KIF13A: variants seen among roughly 807,000 people sequenced by gnomAD.
The protein encoded by KIF13A is kinesin-like protein KIF13A.
Under a neutral mutation model 212.2 loss-of-function variants are expected in KIF13A, and 79 were observed. That is an observed-to-expected ratio of 0.37 (90% CI 0.31 to 0.45). KIF13A has a LOEUF of 0.45. KIF13A is among the 20% of genes least tolerant of loss of function. The probability of loss-of-function intolerance (pLI) is 1.00; values close to 1 mark genes in which losing one functional copy is unlikely to be tolerated. For synonymous variants in KIF13A, 789 were observed against 808.6 expected (o/e 0.98, Z 0.41); for missense variants, 1,901 against 2,209.0 (o/e 0.86, Z 2.79).
Position 17,794,814 on chromosome 6 carries a change from A to G in KIF13A, c.2943-110T>C. On this transcript the variant is annotated intron_variant, in intron 23 of 38. Transcript: ENST00000259711. This position sits in a 1 kb window ranked among gnomAD's most constrained non-coding sequence, Gnocchi z 4.1. ...CTTACTATGTGCTAGGCACTGTGCCATTTATCTTGTATAAGTTACTTCCTT... is the reference window on the plus strand; with the variant it reads ...CTTACTATGTGCTAGGCACTGTGCCGTTTATCTTGTATAAGTTACTTCCTT... 1.8e-6 allele frequency: 2 copies of G among 1,130,928 alleles called. No homozygotes were observed. Among genetic ancestry groups the G allele is most frequent in the Non-Finnish European group, 2.5e-6 (2 of 808,110 alleles). 70.1% of individuals were successfully genotyped at this position (1,130,928 alleles called of 1,614,324 possible).
chr6:17,823,368 TCA>T (rs941504383), intron 16 of KIF13A, among the ~76,000 whole-genome samples: 2 of 151,694 alleles, frequency 1.3e-5, no homozygotes, highest in African/African-American at 2.4e-5. Flanking sequence ...CACTTGTTTT[TCA>T]CAGTCTGGCT....
intron 2 of KIF13A, among the ~76,000 whole-genome samples, chr6:17,909,894 A>G (rs540279353): frequency 2.6e-5 from 4 of 152,326 alleles, no homozygotes; most frequent in African/African-American, 9.6e-5. Flanking sequence ...AAAACAAAAA[A>G]AGAGAGAGAG....
At chr6:17,875,409 G>T (rs927378511) in intron 3 of KIF13A, among the ~76,000 whole-genome samples, 3 of 151,174 alleles carry the variant, frequency 2.0e-5, no homozygotes, top group Non-Finnish European at 4.4e-5. Context: ...GTGCTTCTTG[G>T]TGCTTCCCCT....
In KIF13A at chr6:17,810,818, G is replaced by A. The variant is rs147514055; in HGVS notation, c.2001-1888C>T. Reference sequence around the variant, plus strand: ...GTTTGTGCTCCTGTGAGAATCTAATGCCACTGCTGATCTGACAGGAGGTGG... The same window carrying A: ...GTTTGTGCTCCTGTGAGAATCTAATACCACTGCTGATCTGACAGGAGGTGG... On this transcript the variant is annotated intron_variant, in intron 17 of 38. Transcript: ENST00000259711. 9.2e-3 allele frequency among the ~76,000 whole-genome samples: 1,407 copies of A among 152,248 alleles called. 29 individuals carry two copies. Among genetic ancestry groups the A allele is most frequent in the African/African-American group, 0.032 (1,321 of 41,538 alleles).
chr6:17,766,977 A>T (rs918157216), intron 38 of KIF13A, among the ~76,000 whole-genome samples: 2 of 152,220 alleles, frequency 1.3e-5, no homozygotes, highest in African/African-American at 4.8e-5. Flanking sequence ...GGAATTGGTG[A>T]TCCTAATTCT....
rs1468721883 is a variant in KIF13A, at chr6:17,825,140, G to A, written c.1786+628C>T. On this transcript the variant is annotated intron_variant, in intron 16 of 38. Transcript: ENST00000259711. The surrounding 1 kb of genome is among the most constrained non-coding windows in gnomAD (Gnocchi z 4.5). ...AAACAGCAAAAAAGGAAAGAATTTG[G>A]TGTCTATTTTATTTAATGCAGGCAG... is the stretch of plus-strand genomic sequence containing the variant. Among the ~76,000 whole-genome samples the A allele has an allele frequency of 6.6e-6, 1 of 152,174 alleles. No individual in the cohort carries two copies. Among genetic ancestry groups the A allele is most frequent in the East Asian group, 1.9e-4 (1 of 5,206 alleles).
In KIF13A at chr6:17,777,067, T is replaced by C. The variant is rs1328451558; in HGVS notation, c.4170+210A>G. On this transcript the variant is annotated intron_variant, in intron 34 of 38. Transcript: ENST00000259711. This position sits in a 1 kb window ranked among gnomAD's most constrained non-coding sequence, Gnocchi z 4.4. ...AACTTCTTTCAAGGAGATAACTTGC[T>C]GAACAGGAATTCATAAGATTGAACA... Among the ~76,000 whole-genome samples, 1 of 152,222 alleles carries C rather than the reference T, an allele frequency of 6.6e-6. No individual in the cohort carries two copies. Among genetic ancestry groups the C allele is most frequent in the Non-Finnish European group, 1.5e-5 (1 of 68,042 alleles).
chr6:17,955,230 G>A (rs576386614), intron 2 of KIF13A, among the ~76,000 whole-genome samples: 2 of 152,314 alleles, frequency 1.3e-5, no homozygotes, highest in Admixed American at 6.5e-5. Context: ...AGTTTCCACA[G>A]GTGTTAAAGT....
At chr6:17,796,049 C>T (rs1356944025) in intron 23 of KIF13A, among the ~76,000 whole-genome samples, 1 of 152,114 alleles carries the variant, frequency 6.6e-6, no homozygotes, top group East Asian at 1.9e-4. Context: ...ACATATCATT[C>T]CCCATTGAAT....
chr6:17,806,404 T>C (rs80333458), intron 18 of KIF13A, among the ~76,000 whole-genome samples: 2 of 152,240 alleles, frequency 1.3e-5, no homozygotes, highest in African/African-American at 2.4e-5. Flanking sequence ...TCTATGACTA[T>C]GGGCTTAGAA....
chr6:17,868,989 CAAAAAAAAAAAAAAAAAAA>C (rs71002278), intron 4 of KIF13A, among the ~76,000 whole-genome samples: 2 of 20,914 alleles, frequency 9.6e-5, no homozygotes, highest in African/African-American at 2.8e-4. Flanking sequence ...GACTCCCTCT[CAAAAAAAAAAAAAAAAAAA>C]AAAAAAAAAA....
At chr6:17,976,860 G>A (rs1486552017) in intron 2 of KIF13A, among the ~76,000 whole-genome samples, 2 of 150,944 alleles carry the variant, frequency 1.3e-5, no homozygotes, top group Non-Finnish European at 2.9e-5. Flanking sequence ...CCAGCACTTT[G>A]GGAGGCCAAG....
intron 16 of KIF13A, chr6:17,822,043 C>CATT: frequency 6.8e-6 from 4 of 585,334 alleles, no homozygotes; most frequent in Non-Finnish European, 1.1e-5. Context: ...AACATAACTT[C>CATT]TTTTTTTTTT....
rs986520325 is a variant in KIF13A, at chr6:17,826,364, A to G, written c.1533-240T>C. Reference sequence around the variant, plus strand: ...AACATGATGCACTCCTGATGGAGACAGAAAGCACCACCCATGGCTATTCTT... The same window carrying G: ...AACATGATGCACTCCTGATGGAGACGGAAAGCACCACCCATGGCTATTCTT... On this transcript the variant is annotated intron_variant, in intron 14 of 38. Transcript: ENST00000259711. This position sits in a 1 kb window ranked among gnomAD's most constrained non-coding sequence, Gnocchi z 4.7. Among the ~76,000 whole-genome samples the G allele has an allele frequency of 9.8e-5, 15 of 152,382 alleles. No individual in the cohort carries two copies. The highest frequency in any genetic ancestry group is 3.6e-4 in the African/African-American group (15 of 41,598).
chr6:17,818,184 A>G (rs1179004698), intron 16 of KIF13A, among the ~76,000 whole-genome samples: 1 of 152,218 alleles, frequency 6.6e-6, no homozygotes, highest in African/African-American at 2.4e-5. Flanking sequence ...TTGGACTGAG[A>G]GATGCATTCT....
At chr6:17,823,688 G>A (rs953655225) in intron 16 of KIF13A, among the ~76,000 whole-genome samples, 3 of 150,610 alleles carry the variant, frequency 2.0e-5, no homozygotes, top group African/African-American at 4.9e-5. Flanking sequence ...GGCTGGTCTC[G>A]AACTCCCGGC....
Position 17,917,792 on chromosome 6 carries a change from T to C in KIF13A, c.147-19612A>G, listed in dbSNP as rs572810339. 3.3e-5 allele frequency among the ~76,000 whole-genome samples: 5 copies of C among 152,324 alleles called. No individual in the cohort carries two copies. In the South Asian group the frequency reaches 8.3e-4, roughly 25 times the overall value. ...TTAAAATCCTGCAACAATGCCTTAA[T>C]GCACTTGGGATAAACAAATACCAAG... On this transcript the variant is annotated intron_variant, in intron 2 of 38. Coordinates refer to ENST00000259711, the MANE Select transcript of KIF13A (RefSeq NM_022113.6).
rs1781411249 is a variant in KIF13A at position 17,984,875 on chromosome 6, G to A, written c.146+2179C>T. Among the ~76,000 whole-genome samples, 1 of 152,166 alleles carries A rather than the reference G, an allele frequency of 6.6e-6. No homozygotes were observed. Among genetic ancestry groups the A allele is most frequent in the South Asian group, 2.1e-4 (1 of 4,830 alleles). ...GAGCACTATCTAAAAACCAATGACA[G>A]AAATGAATTGCAAACATAGCATGAA... On this transcript the variant is annotated intron_variant, in intron 2 of 38. Coordinates refer to ENST00000259711, the MANE Select transcript of KIF13A (RefSeq NM_022113.6). The surrounding 1 kb of genome is among the most constrained non-coding windows in gnomAD (Gnocchi z 5.0).
In KIF13A at chr6:17,781,285, G is replaced by A. The variant is rs1760549526; in HGVS notation, c.3561C>T (p.Ala1187=). 1 of 1,609,442 alleles carries A rather than the reference G, an allele frequency of 6.2e-7. No individual in the cohort carries two copies. Among genetic ancestry groups the A allele is most frequent in the African/African-American group, 1.3e-5 (1 of 74,708 alleles). Reference sequence around the variant, plus strand: ...CATGGGGGCCAACAAGCTGCTCATTGGCACTGAGGTCATCCGCTAACCACA... The same window carrying A: ...CATGGGGGCCAACAAGCTGCTCATTAGCACTGAGGTCATCCGCTAACCACA... ...FLDLNADDLS[A]NEQLVGPHAS... The change falls in exon 30 of 39, where the codon GCC becomes GCT. Residue 1187 remains alanine, a synonymous_variant. Coordinates refer to ENST00000259711, the MANE Select transcript of KIF13A (RefSeq NM_022113.6).
Sources: allele counts gnomAD v4.1 joint callset (sites outside exome capture counted in the v4.1 genomes callset), GRCh38; gene constraint gnomAD v4.1.1; non-coding constraint Gnocchi (gnomAD v3.1); transcripts MANE v1.5; gene names NCBI Gene and HGNC (gene_info 2026-07-23, HGNC 2026-07-21).